The following CC2D2A variants were observed in gnomAD, a reference collection of about 807,000 sequenced individuals.
The protein encoded by CC2D2A is coiled-coil and C2 domain containing 2A.
In CC2D2A, 155 loss-of-function variants were observed where a neutral mutation model predicts 212.9. That is an observed-to-expected ratio of 0.73 (90% CI 0.64 to 0.83). The LOEUF (loss-of-function observed/expected upper bound fraction) is 0.83. Ranked by LOEUF, CC2D2A falls within the 40% of genes least tolerant of loss-of-function variation. The pLI is 0.00. For missense variants in CC2D2A, 1,856 were observed against 1,956.2 expected (o/e 0.95, Z 0.97); for synonymous variants, 667 against 686.5 (o/e 0.97, Z 0.44).
intron 29 of CC2D2A, among the ~76,000 whole-genome samples, chr4:15,579,153 A>C (rs1199666522): frequency 1.3e-5 from 2 of 152,140 alleles, no homozygotes; most frequent in East Asian, 3.9e-4. Context: ...ATCTGCTTTG[A>C]GTTACTTTTT....
intron 7 of CC2D2A, among the ~76,000 whole-genome samples, chr4:15,510,939 T>C (rs1449595052): frequency 6.6e-6 from 1 of 152,258 alleles, no homozygotes; most frequent in Non-Finnish European, 1.5e-5. Flanking sequence ...AATCCACTGT[T>C]TGTCATTTTA....
intron 28 of CC2D2A, 86 bp downstream of exon 28, chr4:15,570,582 C>T (rs558462633): frequency 1.0e-5 from 9 of 893,566 alleles, no homozygotes; most frequent in African/African-American, 5.0e-5. Flanking sequence ...GGGCCAGGCG[C>T]GGTGGCTCAT....
rs11937030 is a variant in CC2D2A at position 15,482,262 on chromosome 4, T to C, written c.247+1435T>C. The C allele has an allele frequency of 1.7e-3, 1,707 of 984,334 alleles. 29 individuals carry two copies. The African/African-American group carries it at 0.028, about 16-fold the overall frequency. The allele number at this position is 984,334 out of a possible 1,614,324, so 61.0% of individuals were successfully genotyped here. A position where few individuals can be genotyped will look rare whatever the true frequency, so the allele number is the denominator to read the frequency against. On this transcript the variant is annotated intron_variant, in intron 4 of 36. Coordinates refer to ENST00000424120, the MANE Select transcript of CC2D2A (RefSeq NM_001378615.1). ...AATTAATAAAAACAGAACCAAAATT[T>C]ATCTCATATGGCTGTTTCTTTTTCT...
At chr4:15,481,111 G>T (rs1714613011) in intron 4 of CC2D2A, 2 of 468,132 alleles carry the variant, frequency 4.3e-6, no homozygotes, top group Admixed American at 4.8e-5. Flanking sequence ...CCTAGTGGGA[G>T]GTGTCTGGGT....
At chr4:15,537,795 A>C (rs1435440563) in intron 15 of CC2D2A, 104 bp from the exon 16 acceptor site, 1 of 1,217,534 alleles carries the variant, frequency 8.2e-7, no homozygotes, top group Non-Finnish European at 1.2e-6. Flanking sequence ...TCTGGTTGAA[A>C]TGGGGCTGGG....
Position 15,549,050 on chromosome 4 carries a change from T to C in CC2D2A, c.2182-1774T>C, listed in dbSNP as rs76509145. 3.9e-3 allele frequency among the ~76,000 whole-genome samples: 599 copies of C among 152,292 alleles called. 3 individuals carry two copies. The highest frequency in any genetic ancestry group is 0.013 in the African/African-American group (556 of 41,556). ...TTATGCTTTTTAAAAATATCTATTA[T>C]AGATACATATTGAAATATTTACAGA... On this transcript the variant is annotated intron_variant, in intron 17 of 36. Transcript: ENST00000424120.
At chr4:15,574,818 A>T (rs1461456173) in intron 29 of CC2D2A, among the ~76,000 whole-genome samples, 1 of 152,244 alleles carries the variant, frequency 6.6e-6, no homozygotes, top group Non-Finnish European at 1.5e-5. Flanking sequence ...TCATGAAATA[A>T]ATATATGTAC....
chr4:15,542,965 T>C (rs1718536437), intron 17 of CC2D2A, among the ~76,000 whole-genome samples: 1 of 152,150 alleles, frequency 6.6e-6, no homozygotes, highest in African/African-American at 2.4e-5. Context: ...AAGGAAGCAC[T>C]GAATGGAAAG....
At position 15,514,870 on chromosome 4, in the gene CC2D2A, G is replaced by T. The variant is rs758326406; in HGVS notation, c.880+1G>T. ...CTCTTCATACCCAGTAGGCAGACAG[G>T]TACTTGCTCTTTTTATTTTCTTGTT... On this transcript the variant is annotated splice_donor_variant, in intron 9 of 36. Transcript: ENST00000424120. LOFTEE classifies it high-confidence loss of function. 1 of 1,612,720 alleles carries T rather than the reference G, an allele frequency of 6.2e-7. No individual in the cohort carries two copies. Among genetic ancestry groups the T allele is most frequent in the South Asian group, 1.1e-5 (1 of 90,936 alleles).
intron 4 of CC2D2A, among the ~76,000 whole-genome samples, chr4:15,493,840 C>T (rs1230869885): frequency 6.6e-6 from 1 of 152,188 alleles, no homozygotes; most frequent in African/African-American, 2.4e-5. Context: ...AGACAAGATT[C>T]TGTAATCCAG....
chr4:15,522,108 G>A (rs1717237383), intron 11 of CC2D2A, among the ~76,000 whole-genome samples: 1 of 152,196 alleles, frequency 6.6e-6, no homozygotes, highest in Non-Finnish European at 1.5e-5. Context: ...GGCTGAAGCA[G>A]GAGGATCACT....
At chr4:15,597,235 G>T (rs930339394) in intron 34 of CC2D2A, among the ~76,000 whole-genome samples, 172 bp from the exon 35 acceptor site, 1 of 152,116 alleles carries the variant, frequency 6.6e-6, no homozygotes, top group Non-Finnish European at 1.5e-5. Flanking sequence ...AATTGGGAAA[G>T]AACTATATTA....
rs1389778816 is a variant in CC2D2A, at chr4:15,557,346, C to T, written c.2668C>T (p.Leu890=). 3.7e-6 allele frequency: 6 copies of T among 1,613,458 alleles called. No homozygotes were observed. In the African/African-American group the frequency reaches 4.0e-5, roughly 11 times the overall value. ...ATCCTATGTCCCTGATTTCTTTAGACTGGAGCAGCTGCAACAGGAGTTTAA... is the reference window on the plus strand; with the variant it reads ...ATCCTATGTCCCTGATTTCTTTAGATTGGAGCAGCTGCAACAGGAGTTTAA... The part of the protein sequence containing the change: ...GESYVPDFFR[L]EQLQQEFNFV... Residue 890 remains leucine (L), a synonymous_variant, in exon 21 of 37, where the codon CTG becomes TTG. Coordinates refer to ENST00000424120, the MANE Select transcript of CC2D2A (RefSeq NM_001378615.1).
chr4:15,529,195 A>C (rs1335623138), intron 13 of CC2D2A, among the ~76,000 whole-genome samples: 3 of 152,208 alleles, frequency 2.0e-5, no homozygotes, highest in African/African-American at 7.2e-5. Context: ...GTTTGAAGCC[A>C]GGAGTTTGAG....
intron 30 of CC2D2A, among the ~76,000 whole-genome samples, chr4:15,580,637 C>CAA (rs58107216): frequency 1.7e-3 from 154 of 89,096 alleles, no homozygotes; most frequent in East Asian, 4.2e-3. Flanking sequence ...GACTCTGTCT[C>CAA]AAAAAAAAAA....
intron 16 of CC2D2A, 98 bp downstream of exon 16, chr4:15,538,235 T>C: frequency 7.9e-7 from 1 of 1,258,990 alleles, no homozygotes; most frequent in Non-Finnish European, 1.1e-6. Flanking sequence ...GAGTGTACAC[T>C]TACTGACCTA....
chr4:15,552,858 C>G (rs956370332), intron 18 of CC2D2A, among the ~76,000 whole-genome samples: 1 of 152,218 alleles, frequency 6.6e-6, no homozygotes, highest in South Asian at 2.1e-4. Flanking sequence ...CTGATTTATA[C>G]ATTAAAAACT....
intron 14 of CC2D2A, 125 bp downstream of exon 14, chr4:15,533,458 A>G: frequency 1.5e-6 from 1 of 682,736 alleles, no homozygotes; most frequent in Non-Finnish European, 2.3e-6. Flanking sequence ...CCAGGTTAAG[A>G]AATAGAACAT....
At chr4:15,505,842 C>T (rs533014422) in intron 6 of CC2D2A, among the ~76,000 whole-genome samples, 175 of 152,226 alleles carry the variant, frequency 1.1e-3, no homozygotes, top group African/African-American at 3.9e-3. Flanking sequence ...AGTATCAGGA[C>T]CACTATCAAG....
Sources: gnomAD v4.1 joint callset for allele counts (sites outside exome capture counted in the v4.1 genomes callset) on GRCh38, gnomAD v4.1.1 for gene constraint, MANE v1.5 for transcripts, NCBI Gene and HGNC (gene_info 2026-07-23, HGNC 2026-07-21) for gene names.